ROBO2: variants seen among roughly 807,000 people sequenced by gnomAD.
The protein encoded by ROBO2 is roundabout homolog 2.
In ROBO2, 53 loss-of-function variants were observed where a neutral mutation model predicts 160.8. The observed-to-expected ratio is 0.33, with a 90% CI of 0.26 to 0.41. The LOEUF (loss-of-function observed/expected upper bound fraction) is 0.41. Among genes scored for constraint, ROBO2 ranks in the 10% least tolerant of loss-of-function variants. The pLI, the probability that ROBO2 is intolerant of heterozygous loss-of-function variation, is 1.00. For missense variants in ROBO2, 1,577 were observed against 1,722.4 expected (o/e 0.92, Z 1.49); for synonymous variants, 664 against 611.7 (o/e 1.09, Z -1.26).
chr3:76,137,446 C>T (rs780046648), intron 2 of ROBO2, among the ~76,000 whole-genome samples: 25 of 151,984 alleles, frequency 1.6e-4, no homozygotes, highest in Non-Finnish European at 2.8e-4. Flanking sequence ...CCAATTTTTC[C>T]GAAATAGACT....
At chr3:76,224,434 G>C (rs745390220) in intron 2 of ROBO2, among the ~76,000 whole-genome samples, 1 of 152,140 alleles carries the variant, frequency 6.6e-6, no homozygotes, top group Admixed American at 6.5e-5. Flanking sequence ...CCCAGCTCAA[G>C]AAGATGGAGA....
At chr3:77,277,180 CTTTCTTTCT>C (rs1217494104) in intron 2 of ROBO2, among the ~76,000 whole-genome samples, 6 of 114,814 alleles carry the variant, frequency 5.2e-5, no homozygotes, top group Admixed American at 1.7e-4. Context: ...TTCTTTCTTT[CTTTCTTTCT>C]TTCTTTCTTT....
At chr3:76,727,262 CAGTT>C (rs1193201324) in intron 2 of ROBO2, among the ~76,000 whole-genome samples, 2 of 152,018 alleles carry the variant, frequency 1.3e-5, no homozygotes, top group African/African-American at 4.8e-5. Flanking sequence ...TTGAGGACAC[CAGTT>C]AGTTCTAAAA....
chr3:76,530,558 A>T (rs780172746), intron 2 of ROBO2, among the ~76,000 whole-genome samples: 16 of 152,140 alleles, frequency 1.1e-4, no homozygotes, highest in Non-Finnish European at 2.1e-4. Flanking sequence ...ACCTACGTAG[A>T]GATTGAACAT....
chr3:76,748,381 C>T (rs1351003863), intron 2 of ROBO2, among the ~76,000 whole-genome samples: 1 of 151,290 alleles, frequency 6.6e-6, no homozygotes, highest in Admixed American at 6.6e-5. Flanking sequence ...AAGCCTAAAA[C>T]TAAGATAAAA....
chr3:76,361,937 T>C (rs900880447), intron 2 of ROBO2, among the ~76,000 whole-genome samples: 6 of 152,142 alleles, frequency 3.9e-5, no homozygotes, highest in African/African-American at 1.2e-4. Context: ...TCCTTGTGCA[T>C]AGATGTTTGA....
rs945671445 is a variant in ROBO2 at position 75,977,473 on chromosome 3, A to G, written c.109+39871A>G. 2.6e-5 allele frequency among the ~76,000 whole-genome samples: 4 copies of G among 151,586 alleles called. 1 individual carries two copies. The East Asian group carries it at 7.8e-4, about 30-fold the overall frequency. On this transcript the variant is annotated intron_variant, in intron 2 of 26. Coordinates refer to the ROBO2 transcript ENST00000487694. ...GTTGATTCAGTTTATTTTTGAATCC[A>G]TAAAGTTGGAAACTCTTCCTTTTTG...
chr3:76,884,644 T>A (rs749000354), intron 2 of ROBO2, among the ~76,000 whole-genome samples: 1 of 152,212 alleles, frequency 6.6e-6, no homozygotes, highest in Non-Finnish European at 1.5e-5. Flanking sequence ...AGGAAACAGA[T>A]TTTTATTTAG....
chr3:77,009,141 C>T (rs2061734480), intron 2 of ROBO2, among the ~76,000 whole-genome samples: 1 of 152,044 alleles, frequency 6.6e-6, no homozygotes, highest in East Asian at 1.9e-4. Flanking sequence ...AGGATTTAGC[C>T]CAGTGACTAA....
At chr3:76,122,361 G>A (rs574184964) in intron 2 of ROBO2, among the ~76,000 whole-genome samples, 12 of 152,110 alleles carry the variant, frequency 7.9e-5, no homozygotes, top group African/African-American at 2.6e-4. Context: ...AATATTTTGG[G>A]TTCTCTGTAT....
chr3:76,875,658 C>T (rs1189808025), intron 2 of ROBO2, among the ~76,000 whole-genome samples: 1 of 151,886 alleles, frequency 6.6e-6, no homozygotes, highest in Non-Finnish European at 1.5e-5. Flanking sequence ...CCTTTTGCCT[C>T]CATCTTTATT....
intron 2 of ROBO2, among the ~76,000 whole-genome samples, chr3:76,377,890 C>T (rs941410961): frequency 8.5e-5 from 13 of 152,164 alleles, no homozygotes; most frequent in African/African-American, 2.4e-4. Context: ...TCATCAGTAT[C>T]GGTTTTCTAG....
rs1377862588 is a variant in ROBO2 at position 76,287,586 on chromosome 3, C to T, written c.109+349984C>T. ...AAGTGCCTGGATTACAGGCATGAGCCGCCGTGCCCGGCCCTTTTCTTAAGT... is the reference window on the plus strand; with the variant it reads ...AAGTGCCTGGATTACAGGCATGAGCTGCCGTGCCCGGCCCTTTTCTTAAGT... On this transcript the variant is annotated intron_variant, in intron 2 of 26. Transcript: ENST00000487694. 3.9e-5 allele frequency among the ~76,000 whole-genome samples: 6 copies of T among 152,078 alleles called. No individual in the cohort carries two copies. The South Asian group carries it at 6.2e-4, about 16-fold the overall frequency.
chr3:76,277,086 C>A (rs1707968742), intron 2 of ROBO2, among the ~76,000 whole-genome samples: 1 of 151,984 alleles, frequency 6.6e-6, no homozygotes, highest in African/African-American at 2.4e-5. Context: ...CTATCTCAAC[C>A]ACCCATGTGG....
At chr3:76,839,228 A>G (rs536118853) in intron 2 of ROBO2, among the ~76,000 whole-genome samples, 11 of 152,298 alleles carry the variant, frequency 7.2e-5, no homozygotes, top group African/African-American at 2.4e-4. Flanking sequence ...ACAAAATGCA[A>G]ATTAAATGAT....
chr3:76,220,208 AG>A (rs1411685489), intron 2 of ROBO2, among the ~76,000 whole-genome samples: 1 of 151,088 alleles, frequency 6.6e-6, no homozygotes, highest in Non-Finnish European at 1.5e-5. Context: ...GGATAGCATT[AG>A]GAGATATACC....
intron 2 of ROBO2, among the ~76,000 whole-genome samples, chr3:76,356,582 C>CA (rs779065336): frequency 1.5e-4 from 22 of 151,014 alleles, no homozygotes; most frequent in Non-Finnish European, 2.8e-4. Context: ...GTCAGGTTAC[C>CA]AAAAAAATAT....
chr3:76,768,902 T>C (rs530605009), intron 2 of ROBO2, among the ~76,000 whole-genome samples: 1 of 151,564 alleles, frequency 6.6e-6, no homozygotes, highest in Non-Finnish European at 1.5e-5. Flanking sequence ...ATTGTCTATT[T>C]AATGTCCCTT....
chr3:75,955,487 GT>G (rs1948688196), intron 2 of ROBO2, among the ~76,000 whole-genome samples: 1 of 151,382 alleles, frequency 6.6e-6, no homozygotes, highest in Non-Finnish European at 1.5e-5. Flanking sequence ...AAAAGATAAT[GT>G]TTAGGGGGGA....
Sources: allele counts gnomAD v4.1 joint callset (sites outside exome capture counted in the v4.1 genomes callset), GRCh38; gene constraint gnomAD v4.1.1; transcripts MANE v1.5; gene names NCBI Gene and HGNC (gene_info 2026-07-23, HGNC 2026-07-21).